Variants in BMPR1A observed in about 807,000 individuals in gnomAD.
BMPR1A encodes bone morphogenetic protein receptor type-1A.
A neutral mutation model predicts 66.0 loss-of-function variants in BMPR1A; 7 were observed. That is an observed-to-expected ratio of 0.11 (90% CI 0.06 to 0.20). The LOEUF is 0.20. Among genes scored for constraint, BMPR1A ranks in the 10% least tolerant of loss-of-function variants. The probability of loss-of-function intolerance (pLI) is 1.00; values close to 1 mark genes in which losing one functional copy is unlikely to be tolerated. For missense variants in BMPR1A, 408 were observed against 669.1 expected (o/e 0.61, Z 4.31); for synonymous variants, 200 against 229.7 (o/e 0.87, Z 1.17).
Position 86,847,590 on chromosome 10 carries a change from C to G in BMPR1A, c.-153+8611C>G, listed in dbSNP as rs983603701. On this transcript the variant is annotated intron_variant, in intron 2 of 12. Coordinates refer to ENST00000372037, the MANE Select transcript of BMPR1A (RefSeq NM_004329.3). ...ATTGGCCAGGCACGGTGGCTCATGC[C>G]TGTAATGCCAACACTCTGGGAGGCC... Among the ~76,000 whole-genome samples the G allele has an allele frequency of 7.2e-5, 11 of 151,912 alleles. No homozygotes were observed. The South Asian group carries it at 1.0e-3, about 14-fold the overall frequency.
Position 86,923,879 on chromosome 10 carries a change from T to C in BMPR1A, c.*160T>C. 1 of 813,104 alleles carries C rather than the reference T, an allele frequency of 1.2e-6. No homozygotes were observed. Among genetic ancestry groups the C allele is most frequent in the Non-Finnish European group, 2.0e-6 (1 of 505,772 alleles). The allele number at this position is 813,104 out of a possible 1,614,324, so 50.4% of individuals were successfully genotyped here. On this transcript the variant is annotated 3_prime_UTR_variant, in exon 13 of 13. Coordinates refer to ENST00000372037, the MANE Select transcript of BMPR1A (RefSeq NM_004329.3). The stretch of plus-strand genomic sequence containing the variant: ...ATATTAAACCTTTCAGTACTCTTAT[T>C]AGGATACAAGCTGGGAACTTCTAAA...
intron 2 of BMPR1A, among the ~76,000 whole-genome samples, chr10:86,863,462 T>A (rs1322309394): frequency 6.6e-6 from 1 of 152,206 alleles, no homozygotes; most frequent in Non-Finnish European, 1.5e-5. Context: ...GCTAGAATAT[T>A]TTTGGTTGTA....
chr10:86,838,568 CTT>C (rs879405131), intron 1 of BMPR1A, among the ~76,000 whole-genome samples: 1 of 125,042 alleles, frequency 8.0e-6, no homozygotes. Context: ...TATTCCTGTT[CTT>C]TTTTTTTTTT....
At chr10:86,814,854 C>T (rs1242743807) in intron 1 of BMPR1A, among the ~76,000 whole-genome samples, 2 of 152,020 alleles carry the variant, frequency 1.3e-5, no homozygotes, top group Admixed American at 6.6e-5. Flanking sequence ...GGTGCTATCT[C>T]GGCTCTCTAC....
At chr10:86,919,073 A>C in intron 9 of BMPR1A, 99 bp from the exon 10 acceptor site, 1 of 1,355,172 alleles carries the variant, frequency 7.4e-7, no homozygotes. Flanking sequence ...CACTATCTGC[A>C]CATGATACCT....
At chr10:86,802,566 AC>A (rs1353353544) in intron 1 of BMPR1A, among the ~76,000 whole-genome samples, 1 of 151,992 alleles carries the variant, frequency 6.6e-6, no homozygotes, top group African/African-American at 2.4e-5. Flanking sequence ...TTTGCTTATA[AC>A]CTAGGTCATT....
At chr10:86,852,104 T>C (rs1181949614) in intron 2 of BMPR1A, among the ~76,000 whole-genome samples, 2 of 148,332 alleles carry the variant, frequency 1.3e-5, no homozygotes, top group Admixed American at 6.7e-5. Flanking sequence ...AAGTCTGAAA[T>C]ACCCCTCACA....
chr10:86,827,923 G>A (rs1367986596), intron 1 of BMPR1A, among the ~76,000 whole-genome samples: 3 of 152,214 alleles, frequency 2.0e-5, no homozygotes, highest in African/African-American at 7.2e-5. Context: ...GGAGGCCAAA[G>A]AGGGCGGATC....
intron 2 of BMPR1A, among the ~76,000 whole-genome samples, chr10:86,867,793 T>C (rs1264856206): frequency 6.6e-6 from 1 of 152,196 alleles, no homozygotes; most frequent in Non-Finnish European, 1.5e-5. Flanking sequence ...ATCAACTATA[T>C]ATAATGCTAT....
intron 1 of BMPR1A, among the ~76,000 whole-genome samples, chr10:86,809,004 C>G (rs1841929854): frequency 6.6e-6 from 1 of 152,154 alleles, no homozygotes; most frequent in African/African-American, 2.4e-5. Context: ...AGAACTTGAA[C>G]TCATATTGAG....
chr10:86,921,962 T>C (rs1370639108), intron 11 of BMPR1A, among the ~76,000 whole-genome samples: 1 of 152,212 alleles, frequency 6.6e-6, no homozygotes, highest in African/African-American at 2.4e-5. Context: ...ATTAAATTAT[T>C]ACTAACTGTA....
rs2133454210 is a variant in BMPR1A, at chr10:86,899,844, T to C, written c.384T>C (p.Asn128=). ...LRRTIECCRT[N]LCNQYLQPTL... ...GGACAATAGAATGTTGTCGGACCAA[T>C]TTATGTAACCAGTATTTGCAACCCA... Residue 128 remains asparagine (N), a synonymous_variant, in exon 6 of 13, where the codon AAT becomes AAC. Coordinates refer to ENST00000372037, the MANE Select transcript of BMPR1A (RefSeq NM_004329.3). The C allele has an allele frequency of 1.2e-6, 2 of 1,614,242 alleles. No individual in the cohort carries two copies. Among genetic ancestry groups the C allele is most frequent in the South Asian group, 1.1e-5 (1 of 91,084 alleles).
intron 3 of BMPR1A, among the ~76,000 whole-genome samples, chr10:86,880,258 C>T (rs1842970214): frequency 6.6e-6 from 1 of 152,172 alleles, no homozygotes; most frequent in Non-Finnish European, 1.5e-5. Context: ...GATGTGTGTT[C>T]TGAGAATTTC....
chr10:86,802,677 CG>C (rs1841828847), intron 1 of BMPR1A, among the ~76,000 whole-genome samples: 1 of 151,476 alleles, frequency 6.6e-6, no homozygotes, highest in Non-Finnish European at 1.5e-5. Flanking sequence ...TCATTAACCT[CG>C]AATGTTAGCT....
At chr10:86,867,027 C>G (rs17107143) in intron 2 of BMPR1A, among the ~76,000 whole-genome samples, 5,181 of 152,230 alleles carry the variant, frequency 0.034, 197 homozygotes, top group African/African-American at 0.093. Context: ...TAAATACCAC[C>G]ACATATCTGA....
chr10:86,854,419 A>G (rs1168373702), intron 2 of BMPR1A, among the ~76,000 whole-genome samples: 2 of 152,228 alleles, frequency 1.3e-5, no homozygotes. Flanking sequence ...TCACAAGGGT[A>G]TTGATTGAGG....
chr10:86,856,228 T>A (rs1021206290), intron 2 of BMPR1A: 1 of 524,838 alleles, frequency 1.9e-6, no homozygotes, highest in Non-Finnish European at 3.8e-6. Context: ...GCAGGTGTAA[T>A]GAACTTCCCC....
At chr10:86,915,626 G>T (rs890630874) in intron 8 of BMPR1A, among the ~76,000 whole-genome samples, 5 of 152,110 alleles carry the variant, frequency 3.3e-5, no homozygotes, top group African/African-American at 1.2e-4. Context: ...CTGCTCGGGA[G>T]GCTGAGGCAG....
chr10:86,763,076 A>G (rs1841095391), intron 1 of BMPR1A, among the ~76,000 whole-genome samples: 1 of 151,964 alleles, frequency 6.6e-6, no homozygotes, highest in African/African-American at 2.4e-5. Context: ...TTGTATTTTT[A>G]GTAGAGACGG....
Sources: allele counts gnomAD v4.1 joint callset (sites outside exome capture counted in the v4.1 genomes callset), GRCh38; gene constraint gnomAD v4.1.1; transcripts MANE v1.5; gene names NCBI Gene and HGNC (gene_info 2026-07-23, HGNC 2026-07-21).